Variants in JPH1 observed in about 807,000 individuals in gnomAD.
JPH1 encodes the protein junctophilin 1.
A neutral mutation model predicts 53.6 loss-of-function variants in JPH1; 12 were observed. The ratio of observed to expected loss-of-function variants is 0.22; its 90% CI spans 0.14 to 0.36. The LOEUF is 0.36. Among genes scored for constraint, JPH1 ranks in the 10% least tolerant of loss-of-function variants. The pLI is 1.00. For synonymous variants in JPH1, 375 were observed against 363.8 expected (o/e 1.03, Z -0.35); for missense variants, 808 against 905.5 (o/e 0.89, Z 1.38).
intron 2 of JPH1, among the ~76,000 whole-genome samples, chr8:74,302,459 A>G (rs772688822): frequency 1.7e-4 from 26 of 152,214 alleles, no homozygotes; most frequent in Non-Finnish European, 3.8e-4. Context: ...CTTTTGCATT[A>G]TAAAATTTGT....
chr8:74,257,428 A>AT (rs1475592876), intron 3 of JPH1, among the ~76,000 whole-genome samples: 1 of 152,124 alleles, frequency 6.6e-6, no homozygotes, highest in African/African-American at 2.4e-5. Context: ...AAGGGACCCC[A>AT]TTCCCCAACA....
At chr8:74,249,884 T>C (rs10504563) in intron 3 of JPH1, among the ~76,000 whole-genome samples, 7,869 of 152,226 alleles carry the variant, frequency 0.052, 646 homozygotes, top group African/African-American at 0.17. Flanking sequence ...TCTAAATAAT[T>C]GATGCACTGT....
chr8:74,316,059 C>T (rs896481410), intron 1 of JPH1, among the ~76,000 whole-genome samples: 3 of 152,124 alleles, frequency 2.0e-5, no homozygotes, highest in Non-Finnish European at 2.9e-5. Flanking sequence ...TAAAAAATGA[C>T]TTTTAGGTCT....
At chr8:74,287,900 T>C (rs1290471308) in intron 2 of JPH1, among the ~76,000 whole-genome samples, 1 of 152,096 alleles carries the variant, frequency 6.6e-6, no homozygotes, top group Non-Finnish European at 1.5e-5. Context: ...AATCACAAAC[T>C]AAAGAGAAAA....
chr8:74,287,801 C>T (rs1335671337), intron 2 of JPH1, among the ~76,000 whole-genome samples: 3 of 151,980 alleles, frequency 2.0e-5, no homozygotes, highest in Admixed American at 1.3e-4. Flanking sequence ...CAAACAGTTG[C>T]ATTCAAAACC....
chr8:74,270,845 T>C (rs1806677305), intron 2 of JPH1, among the ~76,000 whole-genome samples: 1 of 152,130 alleles, frequency 6.6e-6, no homozygotes, highest in African/African-American at 2.4e-5. Flanking sequence ...GTATCTCCTC[T>C]AGACACACTT....
chr8:74,311,661 A>G, intron 2 of JPH1, among the ~76,000 whole-genome samples: 1 of 438 alleles, frequency 2.3e-3, no homozygotes, highest in African/African-American at 5.8e-3. Context: ...TCCCAATGCT[A>G]TCCCTCCCCT....
intron 2 of JPH1, among the ~76,000 whole-genome samples, chr8:74,278,500 G>A (rs1806914348): frequency 6.6e-6 from 1 of 152,106 alleles, no homozygotes; most frequent in African/African-American, 2.4e-5. Flanking sequence ...TGGCCTAGAG[G>A]TCTTAGTTCC....
At chr8:74,311,061 G>A (rs55957967) in intron 2 of JPH1, among the ~76,000 whole-genome samples, 31,098 of 152,092 alleles carry the variant, frequency 0.2, 3,593 homozygotes, top group East Asian at 0.31. Context: ...GAGTAGCTGG[G>A]ACTACAGGCG....
chr8:74,320,802 G>A lies in JPH1; in HGVS notation c.379+107C>T, dbSNP rs867673410. The A allele has an allele frequency of 1.5e-6, 2 of 1,310,458 alleles. No individual in the cohort carries two copies. Among genetic ancestry groups the A allele is most frequent in the South Asian group, 1.7e-5 (1 of 57,600 alleles). The allele number at this position is 1,310,458 out of a possible 1,614,324, so 81.2% of individuals were successfully genotyped here. On this transcript the variant is annotated intron_variant, in intron 1 of 5. Transcript: ENST00000342232. The surrounding 1 kb of genome is among the most constrained non-coding windows in gnomAD (Gnocchi z 4.4). Reference sequence around the variant, plus strand: ...GGGAGGCGCCCCCAGGTGTTTTGGCGGGTTTCCGGACACGTGCGCCCGGCG... The same window carrying A: ...GGGAGGCGCCCCCAGGTGTTTTGGCAGGTTTCCGGACACGTGCGCCCGGCG...
At chr8:74,291,562 G>A (rs1191509435) in intron 2 of JPH1, among the ~76,000 whole-genome samples, 5 of 152,252 alleles carry the variant, frequency 3.3e-5, no homozygotes, top group East Asian at 1.9e-4. Context: ...TGTGGAAGTC[G>A]GTGTGGCGAT....
chr8:74,239,974 A>G (rs116659513), intron 4 of JPH1, among the ~76,000 whole-genome samples: 1 of 151,990 alleles, frequency 6.6e-6, no homozygotes, highest in African/African-American at 2.4e-5. Flanking sequence ...ATACTCTTTT[A>G]GTTATTTTAT....
intron 2 of JPH1, among the ~76,000 whole-genome samples, chr8:74,314,539 A>C (rs569605267): frequency 6.6e-6 from 1 of 152,344 alleles, no homozygotes; most frequent in South Asian, 2.1e-4. Flanking sequence ...AAAAAAGAAA[A>C]GAAAACAGCA....
chr8:74,251,549 A>G (rs944990231), intron 3 of JPH1, among the ~76,000 whole-genome samples: 6 of 152,184 alleles, frequency 3.9e-5, no homozygotes, highest in African/African-American at 1.4e-4. Flanking sequence ...TCGGTTTATT[A>G]GAGCTTAACC....
Position 74,321,422 on chromosome 8 carries a change from C to A in JPH1, c.-135G>T. ...GCCCTGGGCAGCTCGCGCTGCCGCT[C>A]GGCTCCAGTCCGACGCCGCCCCCGT... On this transcript the variant is annotated 5_prime_UTR_variant, in exon 1 of 6. Transcript: ENST00000342232. The surrounding 1 kb of genome is among the most constrained non-coding windows in gnomAD (Gnocchi z 4.3). 1 of 826,602 alleles carries A rather than the reference C, an allele frequency of 1.2e-6. No individual in the cohort carries two copies. The highest frequency in any genetic ancestry group is 2.8e-5 in the South Asian group (1 of 35,970). The allele number at this position is 826,602 out of a possible 1,614,324, so 51.2% of individuals were successfully genotyped here.
intron 2 of JPH1, among the ~76,000 whole-genome samples, chr8:74,267,067 A>C (rs1257921314): frequency 6.6e-6 from 1 of 152,260 alleles, no homozygotes; most frequent in Non-Finnish European, 1.5e-5. Context: ...AACTTGGTAT[A>C]CAAATAAATG....
chr8:74,290,839 C>T (rs1586761301), intron 2 of JPH1, among the ~76,000 whole-genome samples: 1 of 152,116 alleles, frequency 6.6e-6, no homozygotes. Context: ...CATCTACAAC[C>T]ATCTGATCTT....
intron 5 of JPH1, 28 bp from the exon 6 acceptor site, chr8:74,237,063 T>C (rs1396855590): frequency 3.2e-6 from 2 of 617,314 alleles, no homozygotes; most frequent in Non-Finnish European, 5.8e-6. Flanking sequence ...TTATAGCAAT[T>C]AAGTAACTAT....
chr8:74,276,755 G>A (rs919379611), intron 2 of JPH1, among the ~76,000 whole-genome samples: 17 of 152,226 alleles, frequency 1.1e-4, no homozygotes, highest in Non-Finnish European at 2.1e-4. Flanking sequence ...TTTTTCCTAT[G>A]GTGGTCTTTC....
Sources: gnomAD v4.1 joint callset for allele counts (sites outside exome capture counted in the v4.1 genomes callset) on GRCh38, gnomAD v4.1.1 for gene constraint, Gnocchi (gnomAD v3.1) non-coding constraint, MANE v1.5 for transcripts, NCBI Gene and HGNC (gene_info 2026-07-23, HGNC 2026-07-21) for gene names.